The following ANOS1 variants were observed in gnomAD, a reference collection of about 807,000 sequenced individuals.
ANOS1 encodes anosmin-1.
ANOS1 carries 6 observed loss-of-function variants against 59.0 expected under a neutral mutation model. That is an observed-to-expected ratio of 0.10 (90% CI 0.06 to 0.20). The LOEUF is 0.20. Among genes scored for constraint, ANOS1 ranks in the 10% least tolerant of loss-of-function variants. The pLI is 1.00. For missense variants in ANOS1, 433 were observed against 542.3 expected, an observed-to-expected ratio of 0.80 and a Z score of 2.00; for synonymous variants, 217 against 223.4, an observed-to-expected ratio of 0.97 and a Z score of 0.25.
chrX:8,652,862 A>G (rs1387015101), intron 2 of ANOS1, among the ~76,000 whole-genome samples: 1 of 110,456 alleles, frequency 9.1e-6, no homozygotes, highest in Non-Finnish European at 1.9e-5. Flanking sequence ...TTATTTATTT[A>G]TTTTTATTTT....
Position 8,630,613 on chromosome X carries a change from T to C in ANOS1, c.256-6943A>G, listed in dbSNP as rs762053650. Among the ~76,000 whole-genome samples the C allele has an allele frequency of 3.6e-5, 4 of 111,537 alleles. No individual in the cohort carries two copies. The South Asian group carries it at 1.1e-3, about 32-fold the overall frequency. ...AAGTAAATTTGGGATAAGGATAATATTGAATGTATGGAGTGGGGAGTATGG... is the reference window on the plus strand; with the variant it reads ...AAGTAAATTTGGGATAAGGATAATACTGAATGTATGGAGTGGGGAGTATGG... On this transcript the variant is annotated intron_variant, in intron 2 of 13. Transcript: ENST00000262648.
intron 2 of ANOS1, among the ~76,000 whole-genome samples, chrX:8,660,488 G>A (rs917141513): frequency 9.0e-6 from 1 of 111,475 alleles, no homozygotes; most frequent in Non-Finnish European, 1.9e-5. Context: ...ATGACCAAGA[G>A]ATATGGCCAG....
intron 8 of ANOS1, 96 bp from the exon 9 acceptor site, chrX:8,554,194 C>G: frequency 1.5e-6 from 1 of 657,740 alleles, no homozygotes; most frequent in East Asian, 3.5e-5. Context: ...TATGCAGCTT[C>G]CAGCGAGAAC....
intron 9 of ANOS1, among the ~76,000 whole-genome samples, chrX:8,547,449 T>C (rs1929786747): frequency 8.9e-6 from 1 of 111,918 alleles, no homozygotes; most frequent in Non-Finnish European, 1.9e-5. Context: ...TCTGTGAAAA[T>C]TCCTCTGCAC....
At chrX:8,648,255 G>A (rs1931792189) in intron 2 of ANOS1, among the ~76,000 whole-genome samples, 2 of 110,986 alleles carry the variant, frequency 1.8e-5, no homozygotes, top group East Asian at 2.8e-4. Context: ...GAAGTCAGGA[G>A]TTCCAGACAA....
At chrX:8,659,584 G>GCCTT (rs201790891) in intron 2 of ANOS1, among the ~76,000 whole-genome samples, 605 of 57,679 alleles carry the variant, frequency 0.01, 6 homozygotes, top group Middle Eastern at 0.016. Flanking sequence ...TTGCTTGCTT[G>GCCTT]CCTTCCTTCC....
At chrX:8,664,005 C>T (rs1272069682) in intron 2 of ANOS1, among the ~76,000 whole-genome samples, 1 of 110,499 alleles carries the variant, frequency 9.0e-6, no homozygotes, top group African/African-American at 3.3e-5. Flanking sequence ...ACAATGAGAA[C>T]ACATGGACAC....
chrX:8,544,940 C>T (rs959042041), intron 9 of ANOS1, among the ~76,000 whole-genome samples: 4 of 106,166 alleles, frequency 3.8e-5, no homozygotes, highest in African/African-American at 1.4e-4. Context: ...GTGGTGCCTG[C>T]CTGTAATCCC....
chrX:8,569,506 G>A (rs756229696), intron 7 of ANOS1, among the ~76,000 whole-genome samples: 3 of 111,509 alleles, frequency 2.7e-5, no homozygotes, highest in East Asian at 2.9e-4. Flanking sequence ...GCTGGGTGTG[G>A]TGGCGGGCGC....
At chrX:8,671,773 T>G (rs962182802) in intron 2 of ANOS1, among the ~76,000 whole-genome samples, 1 of 110,306 alleles carries the variant, frequency 9.1e-6, no homozygotes, top group Non-Finnish European at 1.9e-5. Flanking sequence ...TTGCTTTCTT[T>G]TTTAACTTTC....
At chrX:8,569,122 A>T (rs1333077873) in intron 7 of ANOS1, among the ~76,000 whole-genome samples, 2 of 112,182 alleles carry the variant, frequency 1.8e-5, no homozygotes, top group African/African-American at 6.5e-5. Flanking sequence ...AGAAAAATTA[A>T]CTTGACAAAA....
At chrX:8,652,259 G>A (rs1041990845) in intron 2 of ANOS1, among the ~76,000 whole-genome samples, 4 of 111,598 alleles carry the variant, frequency 3.6e-5, no homozygotes, top group African/African-American at 1.3e-4. Context: ...CACTGCACCT[G>A]GCCTCCCATG....
chrX:8,655,787 A>C (rs902103063), intron 2 of ANOS1, among the ~76,000 whole-genome samples: 4 of 112,400 alleles, frequency 3.6e-5, no homozygotes, highest in African/African-American at 1.3e-4. Flanking sequence ...GAGATCCCCC[A>C]AATTATTATT....
At chrX:8,585,149 C>G (rs1235650155) in intron 6 of ANOS1, 118 bp downstream of exon 6, 2 of 850,671 alleles carry the variant, frequency 2.4e-6, no homozygotes, top group Non-Finnish European at 3.4e-6. Flanking sequence ...TTCTCTAAAA[C>G]AGCAAAGCCA....
intron 2 of ANOS1, among the ~76,000 whole-genome samples, chrX:8,684,682 C>T (rs1932477929): frequency 9.2e-6 from 1 of 109,105 alleles, no homozygotes; most frequent in Non-Finnish European, 1.9e-5. Context: ...GGAAAAGTTG[C>T]TGAACACACA....
intron 2 of ANOS1, among the ~76,000 whole-genome samples, chrX:8,626,842 CAG>C (rs1285016596): frequency 1.0e-4 from 10 of 96,851 alleles, no homozygotes; most frequent in Admixed American, 4.8e-4. Flanking sequence ...GCCTGGGCGA[CAG>C]AGTGATACTC....
intron 1 of ANOS1, among the ~76,000 whole-genome samples, chrX:8,706,108 C>G (rs903157873): frequency 7.1e-5 from 8 of 112,080 alleles, no homozygotes; most frequent in African/African-American, 2.6e-4. Context: ...GTAAAGAAAA[C>G]ACATCATTCA....
chrX:8,584,442 G>T, intron 6 of ANOS1, among the ~76,000 whole-genome samples: 1 of 111,432 alleles, frequency 9.0e-6, no homozygotes, highest in South Asian at 3.8e-4. Context: ...AAAAAAAAGA[G>T]GCTTTTAAAT....
At chrX:8,654,947 C>A in intron 2 of ANOS1, among the ~76,000 whole-genome samples, 1 of 112,199 alleles carries the variant, frequency 8.9e-6, no homozygotes. Context: ...CATGCCCATT[C>A]ATTGCCAGAT....
Sources: allele counts gnomAD v4.1 joint callset (sites outside exome capture counted in the v4.1 genomes callset), GRCh38; gene constraint gnomAD v4.1.1; transcripts MANE v1.5; gene names NCBI Gene and HGNC (gene_info 2026-07-23, HGNC 2026-07-21).